The following YAP1 variants were observed in gnomAD, a reference collection of about 807,000 sequenced individuals.
YAP1 encodes the protein Yes1 associated transcriptional regulator.
YAP1 carries 5 observed loss-of-function variants against 56.9 expected under a neutral mutation model. The ratio of observed to expected loss-of-function variants is 0.09; its 90% CI spans 0.05 to 0.18. The LOEUF (loss-of-function observed/expected upper bound fraction) is 0.18. Among genes scored for constraint, YAP1 ranks in the 10% least tolerant of loss-of-function variants. The pLI, the probability that YAP1 is intolerant of heterozygous loss-of-function variation, is 1.00. For synonymous variants in YAP1, 265 were observed against 248.1 expected (o/e 1.07, Z -0.64); for missense variants, 539 against 651.8 (o/e 0.83, Z 1.88).
intron 1 of YAP1, 55 bp from the exon 2 acceptor site, chr11:102,114,088 AG>A: frequency 6.6e-7 from 1 of 1,506,546 alleles, no homozygotes; most frequent in Non-Finnish European, 8.9e-7. Flanking sequence ...GGAAATTTAA[AG>A]GGACTCAGTT....
At chr11:102,134,101 G>A (rs974601846) in intron 2 of YAP1, among the ~76,000 whole-genome samples, 3 of 152,148 alleles carry the variant, frequency 2.0e-5, no homozygotes, top group Admixed American at 6.5e-5. Flanking sequence ...GCACTTCAGC[G>A]ATGACTTTTG....
chr11:102,178,395 G>A (rs1262941792), intron 3 of YAP1, among the ~76,000 whole-genome samples: 3 of 152,174 alleles, frequency 2.0e-5, no homozygotes, highest in African/African-American at 7.2e-5. Flanking sequence ...GTGACAAGGG[G>A]AGGTTGGTCC....
intron 6 of YAP1, among the ~76,000 whole-genome samples, chr11:102,213,440 C>T (rs1305823800): frequency 6.6e-6 from 1 of 152,088 alleles, no homozygotes. Context: ...GAGCCAAGAT[C>T]GTGGCATTGC....
At chr11:102,223,518 T>G in intron 6 of YAP1, 104 bp from the exon 7 acceptor site, 1 of 1,258,198 alleles carries the variant, frequency 7.9e-7, no homozygotes, top group South Asian at 1.6e-5. Flanking sequence ...TAGATGTTTT[T>G]AATCTATCTG....
intron 4 of YAP1, 28 bp from the exon 5 acceptor site, chr11:102,205,865 A>T (rs1363623970): frequency 6.8e-7 from 1 of 1,474,044 alleles, no homozygotes; most frequent in Non-Finnish European, 9.0e-7. Context: ...GTTTTTTAGG[A>T]CAGATTTTTT....
chr11:102,187,484 G>A (rs1034403867), intron 4 of YAP1, among the ~76,000 whole-genome samples: 7 of 152,084 alleles, frequency 4.6e-5, no homozygotes, highest in African/African-American at 1.7e-4. Context: ...TAATAAATGC[G>A]GCCAATTGTT....
chr11:102,142,405 G>T (rs1945073951), intron 2 of YAP1, among the ~76,000 whole-genome samples: 1 of 152,212 alleles, frequency 6.6e-6, no homozygotes, highest in South Asian at 2.1e-4. Context: ...CTGTCAAACT[G>T]TGGAAAAGAA....
At chr11:102,145,839 G>C (rs1945295538) in intron 2 of YAP1, among the ~76,000 whole-genome samples, 1 of 152,098 alleles carries the variant, frequency 6.6e-6, no homozygotes, top group South Asian at 2.1e-4. Flanking sequence ...TTACTCCTTT[G>C]CTCACTCATT....
At chr11:102,206,705 T>TG (rs1286861435) in intron 5 of YAP1, among the ~76,000 whole-genome samples, 2 of 152,148 alleles carry the variant, frequency 1.3e-5, no homozygotes, top group African/African-American at 2.4e-5. Flanking sequence ...TAGCCAAGCG[T>TG]GGTGGCACAC....
chr11:102,112,314 G>C (rs1942988945), intron 1 of YAP1: 13 of 806,798 alleles, frequency 1.6e-5, no homozygotes, highest in Non-Finnish European at 1.9e-5. Context: ...GTGCCAACTT[G>C]ATTCAGCATA....
intron 4 of YAP1, among the ~76,000 whole-genome samples, chr11:102,190,955 T>A (rs1446831457): frequency 6.6e-6 from 1 of 150,612 alleles, no homozygotes; most frequent in African/African-American, 2.5e-5. Context: ...GGCTGATGGA[T>A]CATGAGGTTA....
At chr11:102,130,463 G>A (rs1944309696) in intron 2 of YAP1, among the ~76,000 whole-genome samples, 1 of 152,012 alleles carries the variant, frequency 6.6e-6, no homozygotes, top group South Asian at 2.1e-4. Flanking sequence ...GAGTGCAATA[G>A]TATGATCTTG....
At chr11:102,227,132 G>C (rs937529139) in intron 7 of YAP1, 1 of 221,102 alleles carries the variant, frequency 4.5e-6, no homozygotes, top group Non-Finnish European at 9.0e-6. Flanking sequence ...TGATATTACA[G>C]AGAGGAGAAT....
rs571618855 is a variant in YAP1 at position 102,232,993 on chromosome 11, A to C, written c.*3053A>C. 6.6e-6 allele frequency: 1 copy of C among 152,364 alleles called. No individual in the cohort carries two copies. Among genetic ancestry groups the C allele is most frequent in the African/African-American group, 2.4e-5 (1 of 41,590 alleles). 9.4% of individuals were successfully genotyped at this position (152,364 alleles called of 1,614,324 possible). A position where few individuals can be genotyped will look rare whatever the true frequency, so the allele number is the denominator to read the frequency against. On this transcript the variant is annotated 3_prime_UTR_variant, in exon 9 of 9. Transcript: ENST00000282441. The stretch of plus-strand genomic sequence containing the variant: ...AACATGGCAGAAAGACTGAAAAATA[A>C]CAGTAATTAATTGTGTAATTCAGAA...
intron 4 of YAP1, 26 bp from the exon 5 acceptor site, chr11:102,205,867 A>C: frequency 6.8e-7 from 1 of 1,477,596 alleles, no homozygotes; most frequent in Non-Finnish European, 9.0e-7. Flanking sequence ...TTTTTAGGAC[A>C]GATTTTTTTT....
chr11:102,110,708 C>G lies in YAP1; in HGVS notation c.-141C>G. 1.4e-6 allele frequency: 1 copy of G among 693,988 alleles called. No individual in the cohort carries two copies. Among genetic ancestry groups the G allele is most frequent in the Non-Finnish European group, 1.9e-6 (1 of 520,422 alleles). 43.0% of individuals were successfully genotyped at this position (693,988 alleles called of 1,614,324 possible). A position where few individuals can be genotyped will look rare whatever the true frequency, so the allele number is the denominator to read the frequency against. ...GGGGGATGCGGGGCCGCGGCGCAGC[C>G]CCCCGGCCCTGAGAGCGAGGACAGC... is the stretch of plus-strand genomic sequence containing the variant. On this transcript the variant is annotated 5_prime_UTR_variant, in exon 1 of 9. Transcript: ENST00000282441.
chr11:102,218,953 A>G (rs1446228428), intron 6 of YAP1, among the ~76,000 whole-genome samples: 1 of 152,226 alleles, frequency 6.6e-6, no homozygotes, highest in African/African-American at 2.4e-5. Context: ...ACTAGTTTTA[A>G]CCTAATAAAA....
chr11:102,222,472 G>C (rs998603128), intron 6 of YAP1, among the ~76,000 whole-genome samples: 1 of 152,166 alleles, frequency 6.6e-6, no homozygotes, highest in African/African-American at 2.4e-5. Context: ...TGTTTTTGAG[G>C]TCCTGGGCAA....
chr11:102,218,179 A>T (rs1949751274), intron 6 of YAP1, among the ~76,000 whole-genome samples: 1 of 152,238 alleles, frequency 6.6e-6, no homozygotes, highest in South Asian at 2.1e-4. Flanking sequence ...CTGAGTATTT[A>T]TACCTTTAGT....
Sources: allele counts gnomAD v4.1 joint callset (sites outside exome capture counted in the v4.1 genomes callset), GRCh38; gene constraint gnomAD v4.1.1; transcripts MANE v1.5; gene names NCBI Gene and HGNC (gene_info 2026-07-23, HGNC 2026-07-21).